The following FYN variants were observed in gnomAD, a reference collection of about 807,000 sequenced individuals.
FYN encodes tyrosine-protein kinase Fyn.
FYN carries 10 observed loss-of-function variants against 70.2 expected under a neutral mutation model. The ratio of observed to expected loss-of-function variants is 0.14; its 90% CI spans 0.09 to 0.24. The LOEUF (loss-of-function observed/expected upper bound fraction) is 0.24, where lower values mean the gene tolerates loss of function less well. Ranked by LOEUF, FYN falls within the 10% of genes least tolerant of loss-of-function variation. The pLI is 1.00. For synonymous variants in FYN, 236 were observed against 248.6 expected, an observed-to-expected ratio of 0.95 and a Z score of 0.48; for missense variants, 319 against 673.1, an observed-to-expected ratio of 0.47 and a Z score of 5.82.
At chr6:111,834,412 C>T (rs553483040) in intron 2 of FYN, among the ~76,000 whole-genome samples, 1 of 152,252 alleles carries the variant, frequency 6.6e-6, no homozygotes, top group Non-Finnish European at 1.5e-5. Context: ...TTCCTCAGTG[C>T]CTCCTTCCCA....
At chr6:111,759,488 A>T (rs1434436360) in intron 3 of FYN, among the ~76,000 whole-genome samples, 2 of 152,170 alleles carry the variant, frequency 1.3e-5, no homozygotes, top group Admixed American at 1.3e-4. Context: ...AGTGGTGCTA[A>T]CCGAACGGAG....
At chr6:111,808,360 G>C (rs1322250370) in intron 2 of FYN, among the ~76,000 whole-genome samples, 1 of 152,184 alleles carries the variant, frequency 6.6e-6, no homozygotes, top group East Asian at 1.9e-4. Context: ...CAGGTAGGGT[G>C]GCTCTGTTAT....
chr6:111,808,978 GGTAA>G (rs773880605), intron 2 of FYN, among the ~76,000 whole-genome samples: 2 of 152,044 alleles, frequency 1.3e-5, no homozygotes, highest in Non-Finnish European at 2.9e-5. Flanking sequence ...TGTTAAACTC[GGTAA>G]GTGTTTATCT....
intron 2 of FYN, among the ~76,000 whole-genome samples, chr6:111,789,634 C>CT (rs747057051): frequency 2.2e-4 from 34 of 152,154 alleles, no homozygotes; most frequent in Non-Finnish European, 2.8e-4. Context: ...ATAATCATGT[C>CT]TTTCTTTTCT....
chr6:111,719,642 C>T, intron 4 of FYN, 163 bp downstream of exon 4: 1 of 806,442 alleles, frequency 1.2e-6, no homozygotes. Context: ...GTACATCAAA[C>T]TCTGGCTTTT....
chr6:111,716,372 T>G (rs532495625), intron 4 of FYN, among the ~76,000 whole-genome samples: 9 of 151,934 alleles, frequency 5.9e-5, no homozygotes, highest in Non-Finnish European at 1.0e-4. Context: ...TACATAGTCA[T>G]AAGATAAATT....
At chr6:111,795,696 G>GA (rs1771781983) in intron 2 of FYN, among the ~76,000 whole-genome samples, 2 of 152,206 alleles carry the variant, frequency 1.3e-5, no homozygotes, top group Non-Finnish European at 1.5e-5. Context: ...CACAGAAAGA[G>GA]AAAAGAGTAC....
chr6:111,850,268 T>C (rs542016875), intron 1 of FYN, among the ~76,000 whole-genome samples: 2 of 152,224 alleles, frequency 1.3e-5, no homozygotes, highest in Non-Finnish European at 2.9e-5. Flanking sequence ...AAACAAGGTA[T>C]AATTTTCCCT....
At chr6:111,745,960 C>T (rs1329312720) in intron 3 of FYN, among the ~76,000 whole-genome samples, 2 of 152,182 alleles carry the variant, frequency 1.3e-5, no homozygotes, top group Admixed American at 6.5e-5. Context: ...AAAAGGAAGG[C>T]ACTGTATGTT....
chr6:111,675,719 G>T (rs1441967402), intron 12 of FYN, among the ~76,000 whole-genome samples: 1 of 151,988 alleles, frequency 6.6e-6, no homozygotes, highest in East Asian at 1.9e-4. Flanking sequence ...CTTGAACCCA[G>T]GAGGCAGAGG....
intron 2 of FYN, among the ~76,000 whole-genome samples, chr6:111,815,503 G>T (rs1772458783): frequency 6.6e-6 from 1 of 151,860 alleles, no homozygotes. Flanking sequence ...AAAAATCTAG[G>T]TAACTACTCC....
At chr6:111,712,803 G>A (rs1224378179) in intron 5 of FYN, among the ~76,000 whole-genome samples, 1 of 152,210 alleles carries the variant, frequency 6.6e-6, no homozygotes, top group African/African-American at 2.4e-5. Flanking sequence ...TTCTTGACCT[G>A]GCTGGTGGCC....
At chr6:111,834,776 A>G (rs957244862) in intron 2 of FYN, among the ~76,000 whole-genome samples, 1 of 152,192 alleles carries the variant, frequency 6.6e-6, no homozygotes, top group Non-Finnish European at 1.5e-5. Flanking sequence ...TCCTGTTCAC[A>G]AAAGTTTATC....
chr6:111,821,080 T>C (rs969624937), intron 2 of FYN, among the ~76,000 whole-genome samples: 2 of 152,168 alleles, frequency 1.3e-5, no homozygotes, highest in Admixed American at 6.5e-5. Context: ...TGAAAGTTCA[T>C]GTAATACTTG....
chr6:111,861,880 G>C (rs1321473448), intron 1 of FYN, among the ~76,000 whole-genome samples: 1 of 152,222 alleles, frequency 6.6e-6, no homozygotes, highest in Admixed American at 6.5e-5. Flanking sequence ...CTGAGCTGTA[G>C]AGTTAAATCA....
At chr6:111,759,142 C>G (rs1203672765) in intron 3 of FYN, 5 of 152,274 alleles carry the variant, frequency 3.3e-5, no homozygotes, top group African/African-American at 9.7e-5. Flanking sequence ...GCAGGTGAGA[C>G]AGTCACATTG....
chr6:111,865,729 T>C (rs1189476287), intron 1 of FYN, among the ~76,000 whole-genome samples: 4 of 152,254 alleles, frequency 2.6e-5, no homozygotes, highest in Non-Finnish European at 4.4e-5. Flanking sequence ...CATAGTTTTT[T>C]CTTACTTTAT....
intron 2 of FYN, among the ~76,000 whole-genome samples, chr6:111,829,713 G>A (rs1430211625): frequency 6.6e-6 from 1 of 152,210 alleles, no homozygotes; most frequent in African/African-American, 2.4e-5. Context: ...TTGTTCAGCT[G>A]TCGGATGATG....
chr6:111,817,316 G>A (rs1772520876), intron 2 of FYN, among the ~76,000 whole-genome samples: 1 of 152,018 alleles, frequency 6.6e-6, no homozygotes, highest in African/African-American at 2.4e-5. Flanking sequence ...TCAAGCTATA[G>A]AAGTATTATT....
Sources: gnomAD v4.1 joint callset for allele counts (sites outside exome capture counted in the v4.1 genomes callset) on GRCh38, gnomAD v4.1.1 for gene constraint, MANE v1.5 for transcripts, NCBI Gene and HGNC (gene_info 2026-07-23, HGNC 2026-07-21) for gene names.